ADAMTS12: variants seen among roughly 807,000 people sequenced by gnomAD.
ADAMTS12 encodes the protein A disintegrin and metalloproteinase with thrombospondin motifs 12.
ADAMTS12 carries 118 observed loss-of-function variants against 167.8 expected under a neutral mutation model. The ratio of observed to expected loss-of-function variants is 0.70; its 90% CI spans 0.61 to 0.82. The LOEUF (loss-of-function observed/expected upper bound fraction) is 0.82, where lower values mean the gene tolerates loss of function less well. Ranked by LOEUF, ADAMTS12 falls within the 40% of genes least tolerant of loss-of-function variation. The pLI is 0.00. For synonymous variants in ADAMTS12, 704 were observed against 716.9 expected, an observed-to-expected ratio of 0.98 and a Z score of 0.29; for missense variants, 1,916 against 1,998.8, an observed-to-expected ratio of 0.96 and a Z score of 0.79.
chr5:33,701,543 C>T (rs375984285), intron 3 of ADAMTS12, among the ~76,000 whole-genome samples: 81 of 152,268 alleles, frequency 5.3e-4, no homozygotes, highest in Middle Eastern at 3.4e-3. Flanking sequence ...TGATTCAATA[C>T]GAAGTTACTC....
intron 1 of ADAMTS12, chr5:33,891,454 A>C: frequency 2.5e-6 from 1 of 398,568 alleles, no homozygotes; most frequent in Non-Finnish European, 4.4e-6. Flanking sequence ...AGAAAAAGTT[A>C]CCAGCTACCT....
intron 23 of ADAMTS12, 22 bp from the exon 24 acceptor site, chr5:33,527,388 A>G (rs758142062): frequency 6.8e-6 from 11 of 1,609,526 alleles, no homozygotes; most frequent in Non-Finnish European, 8.5e-6. Context: ...GAAAAAGAAT[A>G]AGAAAAAAGT....
rs35347821 is a variant in ADAMTS12 at position 33,686,934 on chromosome 5, T to TAGAGAG, written c.635-2880_635-2879insCTCTCT. Among the ~76,000 whole-genome samples the TAGAGAG allele has an allele frequency of 1.5e-3, 214 of 138,488 alleles. 2 individuals carry two copies. The highest frequency in any genetic ancestry group is 5.3e-3 in the African/African-American group (180 of 34,116). 90.9% of individuals were successfully genotyped at this position (138,488 alleles called of 152,430 possible). On this transcript the variant is annotated intron_variant, in intron 3 of 23. Coordinates refer to ENST00000504830, the MANE Select transcript of ADAMTS12 (RefSeq NM_030955.4). ...TATATAGGCACTGAATATATATATA[T>TAGAGAG]ATAGAGAGAGAGAGAGAGAGAGCAA...
chr5:33,809,983 GAAAAA>G (rs202032209), intron 2 of ADAMTS12, among the ~76,000 whole-genome samples: 267 of 118,088 alleles, frequency 2.3e-3, no homozygotes, highest in African/African-American at 8.0e-3. Context: ...AAGTTTAACA[GAAAAA>G]AAAAAAAAAA....
At chr5:33,534,520 G>C (rs1744277056) in intron 23 of ADAMTS12, among the ~76,000 whole-genome samples, 1 of 152,120 alleles carries the variant, frequency 6.6e-6, no homozygotes, top group African/African-American at 2.4e-5. Flanking sequence ...AGACATCTTT[G>C]AAAGCATAGA....
Position 33,709,048 on chromosome 5 carries a change from A to C in ADAMTS12, c.635-24993T>G, listed in dbSNP as rs141494498. On this transcript the variant is annotated intron_variant, in intron 3 of 23. Coordinates refer to ENST00000504830, the MANE Select transcript of ADAMTS12 (RefSeq NM_030955.4). ...ATATTAAGAAGAAATTGGGCAAAGA[A>C]CATGAAGACACTTCTCAAAAGAAGA... Among the ~76,000 whole-genome samples the C allele has an allele frequency of 3.9e-4, 59 of 152,354 alleles. No homozygotes were observed. The East Asian group carries it at 0.011, about 29-fold the overall frequency.
chr5:33,631,821 G>T (rs1216214972), intron 12 of ADAMTS12, among the ~76,000 whole-genome samples: 2 of 152,036 alleles, frequency 1.3e-5, no homozygotes, highest in Non-Finnish European at 2.9e-5. Context: ...GGGATTTTGG[G>T]GTCTCTTCTG....
chr5:33,699,703 G>T (rs10039504), intron 3 of ADAMTS12, among the ~76,000 whole-genome samples: 7,305 of 152,176 alleles, frequency 0.048, 344 homozygotes, highest in East Asian at 0.15. Context: ...TTAAAATAGT[G>T]AATTGTATGC....
chr5:33,769,511 A>T (rs968787569), intron 2 of ADAMTS12, among the ~76,000 whole-genome samples: 2 of 152,316 alleles, frequency 1.3e-5, no homozygotes, highest in African/African-American at 4.8e-5. Flanking sequence ...CCTCTGCAAG[A>T]CTTAAAATGA....
chr5:33,880,199 A>G (rs1485057465), intron 2 of ADAMTS12, among the ~76,000 whole-genome samples: 2 of 152,222 alleles, frequency 1.3e-5, no homozygotes, highest in African/African-American at 4.8e-5. Context: ...CAGTATCTCC[A>G]AACTGTCTCA....
intron 19 of ADAMTS12, among the ~76,000 whole-genome samples, chr5:33,575,191 A>G (rs1284797657): frequency 6.6e-6 from 1 of 152,190 alleles, no homozygotes; most frequent in Admixed American, 6.5e-5. Context: ...CAAACAAACC[A>G]AAAAGAAAAG....
chr5:33,709,810 C>G (rs1370472469), intron 3 of ADAMTS12, among the ~76,000 whole-genome samples: 1 of 152,006 alleles, frequency 6.6e-6, no homozygotes, highest in Non-Finnish European at 1.5e-5. Context: ...CCATGGCACA[C>G]TTTTACCTAT....
intron 2 of ADAMTS12, among the ~76,000 whole-genome samples, chr5:33,795,481 T>A (rs894806510): frequency 6.6e-6 from 1 of 152,210 alleles, no homozygotes; most frequent in Non-Finnish European, 1.5e-5. Context: ...AAAAAAATTT[T>A]AAATCGAAAA....
intron 20 of ADAMTS12, among the ~76,000 whole-genome samples, chr5:33,554,103 G>C (rs1030433606): frequency 1.3e-5 from 2 of 152,212 alleles, no homozygotes; most frequent in African/African-American, 4.8e-5. Context: ...CAAAGGAGGA[G>C]ACAGTCAACT....
intron 9 of ADAMTS12, among the ~76,000 whole-genome samples, chr5:33,644,975 C>T (rs1740606003): frequency 6.6e-6 from 1 of 151,934 alleles, no homozygotes; most frequent in East Asian, 1.9e-4. Flanking sequence ...CGTGATCTGC[C>T]CACCTTGGCC....
rs1235611154 is a variant in ADAMTS12, at chr5:33,756,884, A to G, written c.490-5336T>C. On this transcript the variant is annotated intron_variant, in intron 2 of 23. Transcript: ENST00000504830. Reference sequence around the variant, plus strand: ...AACAGAACTTCCTGTGGTGATGAAGACGTTCTGTATCTGCACTGTTCAATT... The same window carrying G: ...AACAGAACTTCCTGTGGTGATGAAGGCGTTCTGTATCTGCACTGTTCAATT... Among the ~76,000 whole-genome samples the G allele has an allele frequency of 3.9e-5, 6 of 152,316 alleles. No homozygotes were observed. The East Asian group carries it at 7.7e-4, about 20-fold the overall frequency.
At chr5:33,534,411 T>C (rs769794244) in intron 23 of ADAMTS12, among the ~76,000 whole-genome samples, 2 of 152,162 alleles carry the variant, frequency 1.3e-5, no homozygotes, top group Non-Finnish European at 2.9e-5. Flanking sequence ...CCCCAGAGCC[T>C]GCTTCTGGGG....
chr5:33,608,178 A>G (rs1738539280), intron 16 of ADAMTS12, among the ~76,000 whole-genome samples: 1 of 152,234 alleles, frequency 6.6e-6, no homozygotes, highest in Non-Finnish European at 1.5e-5. Flanking sequence ...TAAACCAGTA[A>G]GTAGCACTGT....
At chr5:33,701,783 A>G (rs4295395) in intron 3 of ADAMTS12, among the ~76,000 whole-genome samples, 151,782 of 152,284 alleles carry the variant, frequency 1, 75,647 homozygotes, top group Non-Finnish European at 1. Flanking sequence ...TTTGCAAACT[A>G]GAGGCTTAAC....
Sources: gnomAD v4.1 joint callset for allele counts (sites outside exome capture counted in the v4.1 genomes callset) on GRCh38, gnomAD v4.1.1 for gene constraint, MANE v1.5 for transcripts, NCBI Gene and HGNC (gene_info 2026-07-23, HGNC 2026-07-21) for gene names.